The following BCAS3 variants were observed in gnomAD, a reference collection of about 807,000 sequenced individuals.
BCAS3 encodes BCAS4/BCAS3 fusion.
In BCAS3, 53 loss-of-function variants were observed where a neutral mutation model predicts 116.1. That is an observed-to-expected ratio of 0.46 (90% CI 0.37 to 0.57). The LOEUF (loss-of-function observed/expected upper bound fraction) is 0.57. Among genes scored for constraint, BCAS3 ranks in the 20% least tolerant of loss-of-function variants. The probability of loss-of-function intolerance (pLI) is 0.00; values close to 1 mark genes in which losing one functional copy is unlikely to be tolerated. For missense variants in BCAS3, 917 were observed against 1,165.4 expected, an observed-to-expected ratio of 0.79 and a Z score of 3.10; for synonymous variants, 391 against 408.2, an observed-to-expected ratio of 0.96 and a Z score of 0.51.
rs2082955610 is a variant in BCAS3, at chr17:61,235,297, CCTT to C, written c.2426-133026_2426-133024del. ...ACCGGATAAGTGTAGTTTCCAGAAT[CCTT>C]CTTGGCTAGTTATAGTCTAAGACTT... is the stretch of plus-strand genomic sequence containing the variant. On this transcript the variant is annotated intron_variant, in intron 22 of 23. Transcript: ENST00000407086. This position sits in a 1 kb window ranked among gnomAD's most constrained non-coding sequence, Gnocchi z 5.0. Among the ~76,000 whole-genome samples the C allele has an allele frequency of 6.6e-6, 1 of 152,214 alleles. No homozygotes were observed. Among genetic ancestry groups the C allele is most frequent in the South Asian group, 2.1e-4 (1 of 4,832 alleles).
rs900209337 is a variant in BCAS3, at chr17:61,339,827, G to A, written c.2426-28500G>A. On this transcript the variant is annotated intron_variant, in intron 22 of 23. Transcript: ENST00000407086. The surrounding 1 kb of genome is among the most constrained non-coding windows in gnomAD (Gnocchi z 4.4). ...AGCCAGTAAAAGAGACTGCAAAGTA[G>A]CGGCCGGAAAGATGGGAGGAAAACC... is the stretch of plus-strand genomic sequence containing the variant. Among the ~76,000 whole-genome samples, 4 of 151,526 alleles carry A rather than the reference G, an allele frequency of 2.6e-5. No individual in the cohort carries two copies. Among genetic ancestry groups the A allele is most frequent in the African/African-American group, 7.3e-5 (3 of 41,236 alleles).
Position 61,020,861 on chromosome 17 carries a change from G to A in BCAS3, c.1637+4960G>A, listed in dbSNP as rs973989733. ...AGAGAACAGTAAATTTCAAAAAGAA[G>A]TCATGGTAGGTAGTTCCGTGGGAAT... On this transcript the variant is annotated intron_variant, in intron 16 of 23. Transcript: ENST00000407086. The surrounding 1 kb of genome is among the most constrained non-coding windows in gnomAD (Gnocchi z 4.5). 5.9e-5 allele frequency among the ~76,000 whole-genome samples: 9 copies of A among 152,114 alleles called. No homozygotes were observed. The highest frequency in any genetic ancestry group is 2.2e-4 in the African/African-American group (9 of 41,414).
At chr17:60,678,121 G>C (rs2032291527) in intron 1 of BCAS3, among the ~76,000 whole-genome samples, 1 of 152,224 alleles carries the variant, frequency 6.6e-6, no homozygotes, top group Non-Finnish European at 1.5e-5. Flanking sequence ...CGCCGTACGA[G>C]TGTCTTTCAG....
intron 22 of BCAS3, among the ~76,000 whole-genome samples, chr17:61,237,656 G>A (rs1052554764): frequency 2.0e-5 from 3 of 152,186 alleles, no homozygotes; most frequent in East Asian, 1.9e-4. Context: ...GATACAGTAC[G>A]TGGGACACTG....
chr17:60,703,918 AAAAAAAAAAAG>A (rs1256121185), intron 4 of BCAS3, among the ~76,000 whole-genome samples: 2 of 149,312 alleles, frequency 1.3e-5, no homozygotes, highest in African/African-American at 4.9e-5. Flanking sequence ...CACCGTCTCA[AAAAAAAAAAAG>A]AAAAAAAGAA....
In BCAS3 at chr17:61,205,217, C is replaced by T. The variant is rs1322803155; in HGVS notation, c.2425+120653C>T. ...TTTCCTCCTTTTCTGTCTTCTAGAG[C>T]CAGAACAGACAGAATATATCCTAAA... On this transcript the variant is annotated intron_variant, in intron 22 of 23. Transcript: ENST00000407086. The surrounding 1 kb of genome is among the most constrained non-coding windows in gnomAD (Gnocchi z 5.2). 6.6e-6 allele frequency among the ~76,000 whole-genome samples: 1 copy of T among 152,020 alleles called. No homozygotes were observed. Among genetic ancestry groups the T allele is most frequent in the Non-Finnish European group, 1.5e-5 (1 of 67,998 alleles).
intron 15 of BCAS3, among the ~76,000 whole-genome samples, chr17:61,011,105 A>G (rs918693054): frequency 1.3e-5 from 2 of 152,062 alleles, no homozygotes; most frequent in African/African-American, 4.8e-5. Flanking sequence ...CCAAAACTGC[A>G]CTTAAATAAC....
intron 22 of BCAS3, among the ~76,000 whole-genome samples, chr17:61,240,143 A>G (rs1449149793): frequency 6.6e-6 from 1 of 152,176 alleles, no homozygotes. Context: ...AGGAGCTACC[A>G]TTTATTGAAT....
At chr17:61,150,413 G>T (rs2077480775) in intron 22 of BCAS3, among the ~76,000 whole-genome samples, 1 of 152,164 alleles carries the variant, frequency 6.6e-6, no homozygotes, top group Non-Finnish European at 1.5e-5. Flanking sequence ...ATTTGAATAG[G>T]TAAGCTTATT....
chr17:60,781,377 T>C (rs2045821602), intron 6 of BCAS3, among the ~76,000 whole-genome samples: 1 of 151,646 alleles, frequency 6.6e-6, no homozygotes, highest in African/African-American at 2.4e-5. Flanking sequence ...GGTAGAAGGA[T>C]CACTTGAGAT....
intron 6 of BCAS3, among the ~76,000 whole-genome samples, chr17:60,755,993 G>A (rs1001259986): frequency 1.3e-5 from 2 of 152,022 alleles, no homozygotes; most frequent in Non-Finnish European, 2.9e-5. Context: ...ATACATTGTT[G>A]CTAACTATAG....
At chr17:61,280,814 G>A (rs1366581215) in intron 22 of BCAS3, among the ~76,000 whole-genome samples, 2 of 152,154 alleles carry the variant, frequency 1.3e-5, no homozygotes, top group East Asian at 3.8e-4. Flanking sequence ...CTTCACACAT[G>A]CCTGATCATT....
rs995990838 is a variant in BCAS3 at position 61,229,443 on chromosome 17, C to T, written c.2426-138884C>T. ...GGTGGCTATGCTAAACAACAGATATCGATGTAGACAGAACAGCCTTCTATT... is the reference window on the plus strand; with the variant it reads ...GGTGGCTATGCTAAACAACAGATATTGATGTAGACAGAACAGCCTTCTATT... On this transcript the variant is annotated intron_variant, in intron 22 of 23. Transcript: ENST00000407086. The surrounding 1 kb of genome is among the most constrained non-coding windows in gnomAD (Gnocchi z 4.4). Among the ~76,000 whole-genome samples, 1 of 152,186 alleles carries T rather than the reference C, an allele frequency of 6.6e-6. No individual in the cohort carries two copies. Among genetic ancestry groups the T allele is most frequent in the Non-Finnish European group, 1.5e-5 (1 of 68,038 alleles).
chr17:60,911,470 G>A (rs760357681), intron 12 of BCAS3, among the ~76,000 whole-genome samples: 3 of 152,020 alleles, frequency 2.0e-5, no homozygotes, highest in Non-Finnish European at 4.4e-5. Flanking sequence ...GCTGACTTTT[G>A]TATTTTTTAG....
chr17:61,187,836 C>CT (rs1330231772), intron 22 of BCAS3, among the ~76,000 whole-genome samples: 1 of 151,036 alleles, frequency 6.6e-6, no homozygotes, highest in Non-Finnish European at 1.5e-5. Flanking sequence ...TTCTTTCTTT[C>CT]TTTCTTTCGT....
At position 61,325,815 on chromosome 17, in the gene BCAS3, A is replaced by G. The variant is rs116630306; in HGVS notation, c.2426-42512A>G. 5.0e-3 allele frequency among the ~76,000 whole-genome samples: 760 copies of G among 152,270 alleles called. 6 individuals are homozygous for G. Among genetic ancestry groups the G allele is most frequent in the African/African-American group, 0.018 (731 of 41,548 alleles). On this transcript the variant is annotated intron_variant, in intron 22 of 23. Coordinates refer to ENST00000407086, the MANE Select transcript of BCAS3 (RefSeq NM_017679.5). This position sits in a 1 kb window ranked among gnomAD's most constrained non-coding sequence, Gnocchi z 6.4. ...CATTTTTCCTGGTCTTGGTGGCAAGATAAACAGGATAGGGTGGTCCCTGGG... is the reference window on the plus strand; with the variant it reads ...CATTTTTCCTGGTCTTGGTGGCAAGGTAAACAGGATAGGGTGGTCCCTGGG...
intron 14 of BCAS3, among the ~76,000 whole-genome samples, chr17:60,963,085 C>T (rs954283460): frequency 2.0e-5 from 3 of 152,062 alleles, no homozygotes. Context: ...TAGTACGTTC[C>T]GTTGGTCTGT....
Position 61,044,465 on chromosome 17 carries a change from A to AAAAAAAAAAATATAT in BCAS3, c.2029+3574_2029+3575insAAAAAAAAATATATA. On this transcript the variant is annotated intron_variant, in intron 19 of 23. Transcript: ENST00000407086. ...CTGTCTCAAAAAAAAAAAAAAAAAA[A>AAAAAAAAAAATATAT]ATATATATATATATGCCATAAGAAC... Among the ~76,000 whole-genome samples, 14 of 120,120 alleles carry AAAAAAAAAAATATAT rather than the reference A, an allele frequency of 1.2e-4. 1 individual carries two copies. The highest frequency in any genetic ancestry group is 7.0e-4 in the African/African-American group (14 of 20,054). 78.8% of individuals were successfully genotyped at this position (120,120 alleles called of 152,430 possible).
Position 61,313,113 on chromosome 17 carries a change from C to T in BCAS3, c.2426-55214C>T, listed in dbSNP as rs7221895. ...GTAGCATTGATTGAGAAATCTACTC[C>T]GTGTTAGGCTTAGACTACATAGTGA... is the stretch of plus-strand genomic sequence containing the variant. On this transcript the variant is annotated intron_variant, in intron 22 of 23. Transcript: ENST00000407086. The surrounding 1 kb of genome is among the most constrained non-coding windows in gnomAD (Gnocchi z 4.3). Among the ~76,000 whole-genome samples the T allele has an allele frequency of 0.045, 6,777 of 152,234 alleles. 508 individuals are homozygous for T. The highest frequency in any genetic ancestry group is 0.15 in the African/African-American group (6,321 of 41,514).
Sources: allele counts gnomAD v4.1 joint callset (sites outside exome capture counted in the v4.1 genomes callset), GRCh38; gene constraint gnomAD v4.1.1; non-coding constraint Gnocchi (gnomAD v3.1); transcripts MANE v1.5; gene names NCBI Gene and HGNC (gene_info 2026-07-23, HGNC 2026-07-21).